Variants in PTPRT observed in about 807,000 individuals in gnomAD.
PTPRT encodes the protein protein tyrosine phosphatase receptor type T.
In PTPRT, 56 loss-of-function variants were observed where a neutral mutation model predicts 176.8. The ratio of observed to expected loss-of-function variants is 0.32; its 90% confidence interval spans 0.26 to 0.40. The LOEUF is 0.40. Among genes scored for constraint, PTPRT ranks in the 10% least tolerant of loss-of-function variants. The pLI, the probability that PTPRT is intolerant of heterozygous loss-of-function variation, is 1.00. For synonymous variants in PTPRT, 783 were observed against 739.0 expected (o/e 1.06, Z -0.96); for missense variants, 1,540 against 1,908.2 (o/e 0.81, Z 3.60).
At chr20:42,328,042 C>T (rs2057910887) in intron 11 of PTPRT, among the ~76,000 whole-genome samples, 1 of 152,018 alleles carries the variant, frequency 6.6e-6, no homozygotes, top group Non-Finnish European at 1.5e-5. Context: ...AATCAAAATT[C>T]TGCACAAATG....
chr20:42,796,373 G>T (rs910461632), intron 2 of PTPRT, among the ~76,000 whole-genome samples: 1 of 152,180 alleles, frequency 6.6e-6, no homozygotes, highest in Non-Finnish European at 1.5e-5. Context: ...GATAGCACTG[G>T]TCTTGAAGTT....
At chr20:42,203,872 A>G (rs1316925909) in intron 15 of PTPRT, among the ~76,000 whole-genome samples, 2 of 152,220 alleles carry the variant, frequency 1.3e-5, no homozygotes, top group Non-Finnish European at 1.5e-5. Flanking sequence ...CATGTTAGCT[A>G]CGTACTTGTT....
At chr20:42,520,275 T>C (rs1174047043) in intron 7 of PTPRT, among the ~76,000 whole-genome samples, 1 of 152,106 alleles carries the variant, frequency 6.6e-6, no homozygotes, top group Non-Finnish European at 1.5e-5. Context: ...TAGAGCTTAA[T>C]GAATATTTAT....
rs1442636569 is a variant in PTPRT, at chr20:42,352,175, G to A, written c.1671C>T (p.Tyr557=). The A allele has an allele frequency of 1.9e-6, 3 of 1,614,162 alleles. No homozygotes were observed. Among genetic ancestry groups the A allele is most frequent in the Non-Finnish European group, 2.5e-6 (3 of 1,180,034 alleles). The change falls in exon 10 of 31, where the codon TAC becomes TAT. Residue 557 remains tyrosine (Y), a synonymous_variant. Transcript: ENST00000373187. ...NETHHLFVGL[Y]PGTTYSFTIK... ...TGGTGAAGGAATAGGTGGTCCCTGGGTACAGACCCACAAAGAGGTGGTGGG... is the reference window on the plus strand; with the variant it reads ...TGGTGAAGGAATAGGTGGTCCCTGGATACAGACCCACAAAGAGGTGGTGGG...
intron 9 of PTPRT, among the ~76,000 whole-genome samples, chr20:42,363,296 A>AT (rs2058463817): frequency 1.1e-3 from 24 of 22,738 alleles, no homozygotes; most frequent in African/African-American, 1.9e-3. Flanking sequence ...ATATATATAT[A>AT]TATATTTTTT....
chr20:42,204,422 T>A (rs1204802927), intron 15 of PTPRT, among the ~76,000 whole-genome samples: 3 of 152,204 alleles, frequency 2.0e-5, no homozygotes, highest in African/African-American at 7.2e-5. Context: ...TTTTCTGTAG[T>A]TGCTTTGAGA....
intron 7 of PTPRT, among the ~76,000 whole-genome samples, chr20:42,485,667 T>G (rs1053845908): frequency 3.2e-4 from 49 of 152,260 alleles, no homozygotes; most frequent in African/African-American, 1.1e-3. Flanking sequence ...AGGCTGCTCA[T>G]AGCTGACAAC....
At chr20:42,460,479 A>T (rs2070999389) in intron 8 of PTPRT, among the ~76,000 whole-genome samples, 2 of 152,164 alleles carry the variant, frequency 1.3e-5, no homozygotes, top group African/African-American at 4.8e-5. Flanking sequence ...TATGGATACG[A>T]ATGGGAAAGA....
chr20:42,885,635 A>T (rs1195595567), intron 2 of PTPRT, among the ~76,000 whole-genome samples, 172 bp downstream of exon 2: 2 of 152,186 alleles, frequency 1.3e-5, no homozygotes, highest in East Asian at 3.8e-4. Flanking sequence ...TCAAATCCTG[A>T]AGAATTCATT....
chr20:43,151,762 C>T (rs942310253), intron 1 of PTPRT, among the ~76,000 whole-genome samples: 2 of 151,910 alleles, frequency 1.3e-5, no homozygotes, highest in Non-Finnish European at 2.9e-5. Flanking sequence ...ACTCAGGAGG[C>T]TGAGGTAGGA....
intron 3 of PTPRT, among the ~76,000 whole-genome samples, chr20:42,786,702 C>T (rs1034279930): frequency 6.6e-6 from 1 of 152,130 alleles, no homozygotes; most frequent in African/African-American, 2.4e-5. Flanking sequence ...AACCTGTGGC[C>T]CCATCCTGTA....
chr20:42,407,156 G>A (rs1345095811), intron 9 of PTPRT, among the ~76,000 whole-genome samples: 1 of 152,060 alleles, frequency 6.6e-6, no homozygotes, highest in Non-Finnish European at 1.5e-5. Flanking sequence ...TATTTTCTGG[G>A]AGCCCTAGGA....
chr20:42,392,912 AG>A (rs1208850797), intron 9 of PTPRT, among the ~76,000 whole-genome samples: 1 of 152,240 alleles, frequency 6.6e-6, no homozygotes, highest in Non-Finnish European at 1.5e-5. Flanking sequence ...TTACACAACA[AG>A]GAAGTCTTCA....
intron 15 of PTPRT, among the ~76,000 whole-genome samples, chr20:42,215,018 T>A (rs190248761): frequency 6.6e-6 from 1 of 152,386 alleles, no homozygotes; most frequent in East Asian, 1.9e-4. Flanking sequence ...TACTAACTTA[T>A]AATTATGAAA....
rs566789136 is a variant in PTPRT at position 42,826,379 on chromosome 20, C to G, written c.215-34913G>C. Among the ~76,000 whole-genome samples the G allele has an allele frequency of 2.6e-5, 4 of 152,322 alleles. No homozygotes were observed. In the East Asian group the frequency reaches 7.7e-4, roughly 29 times the overall value. On this transcript the variant is annotated intron_variant, in intron 2 of 30. Coordinates refer to ENST00000373187, the MANE Select transcript of PTPRT (RefSeq NM_007050.6). ...CTGTCTTATTTCCATATAGTCAAAC[C>G]TGTCAGTGAACAAAGCCCCTCCCAT...
At chr20:42,840,996 T>C (rs1429489185) in intron 2 of PTPRT, among the ~76,000 whole-genome samples, 1 of 152,206 alleles carries the variant, frequency 6.6e-6, no homozygotes, top group East Asian at 1.9e-4. Context: ...CTTTGGCTTC[T>C]GAGTCTTCAA....
intron 1 of PTPRT, among the ~76,000 whole-genome samples, chr20:43,171,903 A>G (rs894616363): frequency 6.6e-6 from 1 of 152,190 alleles, no homozygotes. Context: ...CTGCCATACC[A>G]TCTCCTACCA....
intron 9 of PTPRT, among the ~76,000 whole-genome samples, chr20:42,401,017 G>A (rs1324327092): frequency 6.6e-6 from 1 of 151,974 alleles, no homozygotes. Context: ...TTTCTGGCTT[G>A]GGGGTGTTGG....
intron 1 of PTPRT, among the ~76,000 whole-genome samples, chr20:42,980,662 G>A (rs952459335): frequency 2.6e-5 from 4 of 152,050 alleles, no homozygotes; most frequent in Admixed American, 2.6e-4. Context: ...TGGTCCTGGG[G>A]GTCAAATCTC....
Sources: allele counts gnomAD v4.1 joint callset (sites outside exome capture counted in the v4.1 genomes callset), GRCh38; gene constraint gnomAD v4.1.1; transcripts MANE v1.5; gene names NCBI Gene and HGNC (gene_info 2026-07-23, HGNC 2026-07-21).